The following CDH26 variants were observed in gnomAD, a reference collection of about 807,000 sequenced individuals.
The protein encoded by CDH26 is cadherin 26.
In CDH26, 83 loss-of-function variants were observed where a neutral mutation model predicts 90.3. The ratio of observed to expected loss-of-function variants is 0.92; its 90% CI spans 0.77 to 1.10. The LOEUF (loss-of-function observed/expected upper bound fraction) is 1.10. Among genes scored for constraint, CDH26 ranks in the 50% least tolerant of loss-of-function variants. CDH26 has a pLI of 0.00. For synonymous variants in CDH26, 397 were observed against 396.3 expected, an observed-to-expected ratio of 1.00 and a Z score of -0.02; for missense variants, 1,013 against 1,037.6, an observed-to-expected ratio of 0.98 and a Z score of 0.33.
rs1035800057 is a variant in CDH26 at position 59,958,597 on chromosome 20, C to A, written c.-130C>A. The A allele has an allele frequency of 1.2e-6, 1 of 817,918 alleles. No individual in the cohort carries two copies. The highest frequency in any genetic ancestry group is 2.5e-5 in the East Asian group (1 of 39,954). 50.7% of individuals were successfully genotyped at this position (817,918 alleles called of 1,614,324 possible). A position where few individuals can be genotyped will look rare whatever the true frequency, so the allele number is the denominator to read the frequency against. On this transcript the variant is annotated 5_prime_UTR_variant, in exon 1 of 18. Coordinates refer to ENST00000348616, the MANE Select transcript of CDH26 (RefSeq NM_177980.4). ...GCAAGATGGGATGAAAGCATCTGGG[C>A]CAAAGTGACCTGAAAACCTTTAGAG...
intron 7 of CDH26, among the ~76,000 whole-genome samples, chr20:60,020,885 C>T (rs1346296532): frequency 6.6e-6 from 1 of 152,154 alleles, no homozygotes; most frequent in Non-Finnish European, 1.5e-5. Flanking sequence ...TTTGCAGTGG[C>T]AATAGGGACT....
intron 4 of CDH26, 132 bp from the exon 5 acceptor site, chr20:59,982,791 G>A (rs2061409498): frequency 8.7e-6 from 9 of 1,040,444 alleles, no homozygotes; most frequent in Non-Finnish European, 1.3e-5. Context: ...AGGGCAGTCT[G>A]ATTCCTGCCC....
At chr20:59,997,779 G>A (rs2061618236) in intron 13 of CDH26, among the ~76,000 whole-genome samples, 1 of 152,270 alleles carries the variant, frequency 6.6e-6, no homozygotes, top group Admixed American at 6.5e-5. Flanking sequence ...ATTGAATGAA[G>A]TCAGACATTT....
In CDH26 at chr20:59,987,768, C is replaced by T. The variant is rs142859405; in HGVS notation, c.1023+130C>T. 3.4e-3 allele frequency: 2,301 copies of T among 685,462 alleles called. 6 individuals carry two copies. The highest frequency in any genetic ancestry group is 4.3e-3 in the Non-Finnish European group (1,899 of 445,126). The allele number at this position is 685,462 out of a possible 1,614,324, so 42.5% of individuals were successfully genotyped here. On this transcript the variant is annotated intron_variant, in intron 8 of 17. Coordinates refer to ENST00000348616, the MANE Select transcript of CDH26 (RefSeq NM_177980.4). ...GGTGCTGAGCCCATTACGTACCACA[C>T]GTCACCAGGCAAGGAAGGCAGGGTC...
Position 60,012,581 on chromosome 20 carries a change from T to C in CDH26, c.2350T>C (p.Tyr784His). Residue 784 changes from tyrosine to histidine, a missense_variant, in exon 18 of 18, where the codon TAC (tyrosine) becomes CAC (histidine). By Grantham distance (83) the Tyr-to-His change is moderately conservative. Coordinates refer to ENST00000348616, the MANE Select transcript of CDH26 (RefSeq NM_177980.4). Reference protein sequence around the residue: ...EDDPGYLPHVYSEEGECGGAP... With the variant: ...EDDPGYLPHVHSEEGECGGAP... The stretch of plus-strand genomic sequence containing the variant: ...TGACCCCGGCTACCTACCTCACGTC[T>C]ACAGCGAGGAAGGGGAGTGTGGAGG... The C allele has an allele frequency of 6.2e-7, 1 of 1,614,082 alleles. No homozygotes were observed. Among genetic ancestry groups the C allele is most frequent in the African/African-American group, 1.3e-5 (1 of 75,034 alleles).
chr20:59,997,666 GA>G (rs1188486719), intron 13 of CDH26, among the ~76,000 whole-genome samples: 2 of 152,228 alleles, frequency 1.3e-5, no homozygotes, highest in Admixed American at 6.5e-5. Flanking sequence ...GGTTGATTTA[GA>G]AAATGAACAC....
intron 4 of CDH26, among the ~76,000 whole-genome samples, chr20:59,973,611 A>G (rs1164010903): frequency 6.6e-6 from 1 of 152,002 alleles, no homozygotes; most frequent in African/African-American, 2.4e-5. Context: ...TGTTCTCATC[A>G]TTTAGCTCCT....
Position 60,001,376 on chromosome 20 carries a change from C to T in CDH26, c.2131C>T (p.Gln711Ter), listed in dbSNP as rs1417077659. ...GGAAGTGCCTCCATCTGCAGCGAGT[C>T]AGTCAGCCCAAGCACGCTGTGCTCT... is the stretch of plus-strand genomic sequence containing the variant. ...LEEVPPSAAS[Q>*]SAQARCALGS... The change falls in exon 15 of 18, where the codon CAG becomes TAG. Residue 711 changes from glutamine (Q) to a stop codon, truncating the protein, a stop_gained. Coordinates refer to ENST00000348616, the MANE Select transcript of CDH26 (RefSeq NM_177980.4). LOFTEE classifies it high-confidence loss of function. 1 of 1,613,940 alleles carries T rather than the reference C, an allele frequency of 6.2e-7. No individual in the cohort carries two copies. Among genetic ancestry groups the T allele is most frequent in the African/African-American group, 1.3e-5 (1 of 74,922 alleles).
chr20:60,033,595 C>T (rs1191555417), exon 9 of CDH26: 1 of 1,304,630 alleles, frequency 7.7e-7, no homozygotes, highest in East Asian at 5.5e-5. Context: ...CCCCATCACC[C>T]CTTAACAAAA....
At chr20:59,987,203 T>G (rs1226373027) in intron 7 of CDH26, among the ~76,000 whole-genome samples, 2 of 152,138 alleles carry the variant, frequency 1.3e-5, no homozygotes, top group Admixed American at 1.3e-4. Context: ...TAAGAATTAT[T>G]TAGCGAGTCA....
At position 60,031,371 on chromosome 20, in the gene CDH26, C is replaced by T. The variant is rs149508748; in HGVS notation, c.1089C>T (p.His363=). The T allele has an allele frequency of 1.5e-5, 19 of 1,267,404 alleles. No individual in the cohort carries two copies. In the African/African-American group the frequency reaches 1.6e-4, roughly 10 times the overall value. 78.5% of individuals were successfully genotyped at this position (1,267,404 alleles called of 1,614,324 possible). Residue 363 remains histidine, a synonymous_variant, in exon 8 of 9, where the codon CAC becomes CAT. Transcript: ENST00000370991. ...TAACGCAGACTGGTAAACGGAAACA[C>T]GGGGCTTTGGCTCGAACACCCTCTT...
At chr20:59,989,301 G>T (rs2061498207) in intron 9 of CDH26, 138 bp downstream of exon 9, 1 of 1,079,238 alleles carries the variant, frequency 9.3e-7, no homozygotes, top group East Asian at 2.4e-5. Context: ...GGCCGAGGCG[G>T]GTGGATCATG....
Position 59,983,053 on chromosome 20 carries a change from A to G in CDH26, c.524A>G (p.Gln175Arg). ...FPEKEFNITV[Q>R]ENQSAGQPIF... is the part of the protein sequence containing the mutation. ...GAGAAGGAATTTAACATCACTGTGC[A>G]AGAAAACCAATCTGCAGGTGTGTGC... Residue 175 changes from glutamine (Q) to arginine (R), a missense_variant, in exon 5 of 18, where the codon CAA becomes CGA. Physicochemically the swap from Gln to Arg is conservative, Grantham distance 43 (BLOSUM62 1). Transcript: ENST00000348616. 6.2e-7 allele frequency: 1 copy of G among 1,614,054 alleles called. No homozygotes were observed. The highest frequency in any genetic ancestry group is 1.3e-5 in the African/African-American group (1 of 75,026).
intron 17 of CDH26, among the ~76,000 whole-genome samples, chr20:60,011,837 G>C (rs1472904784): frequency 6.6e-6 from 1 of 152,170 alleles, no homozygotes; most frequent in African/African-American, 2.4e-5. Flanking sequence ...GGTCTCTGTG[G>C]ATGTCCTTGT....
At chr20:59,961,157 G>A (rs1279443100) in intron 1 of CDH26, among the ~76,000 whole-genome samples, 3 of 152,178 alleles carry the variant, frequency 2.0e-5, no homozygotes, top group African/African-American at 4.8e-5. Context: ...ATATAGTCCA[G>A]ATCAAATCCT....
At chr20:60,027,868 A>G (rs186251966) in intron 7 of CDH26, among the ~76,000 whole-genome samples, 1 of 152,346 alleles carries the variant, frequency 6.6e-6, no homozygotes, top group African/African-American at 2.4e-5. Context: ...ACCTTTTAAA[A>G]TTGAAATTTT....
chr20:59,988,531 C>A (rs2061485880), intron 8 of CDH26, among the ~76,000 whole-genome samples: 1 of 152,168 alleles, frequency 6.6e-6, no homozygotes, highest in South Asian at 2.1e-4. Flanking sequence ...AGTCAACTGA[C>A]CACTTTGTAC....
chr20:59,994,102 C>T lies in CDH26; in HGVS notation c.1427-148C>T, dbSNP rs867023924. The T allele has an allele frequency of 1.2e-4, 120 of 989,132 alleles. 1 individual carries two copies. In the South Asian group the frequency reaches 1.9e-3, roughly 16 times the overall value. 61.3% of individuals were successfully genotyped at this position (989,132 alleles called of 1,614,324 possible). A position where few individuals can be genotyped will look rare whatever the true frequency, so the allele number is the denominator to read the frequency against. Reference sequence around the variant, plus strand: ...CTCATAAAAGCAGGAAAACAGATCACGTGCATGCCAGGAGAGCTTATGACG... The same window carrying T: ...CTCATAAAAGCAGGAAAACAGATCATGTGCATGCCAGGAGAGCTTATGACG... On this transcript the variant is annotated intron_variant, in intron 10 of 17. Coordinates refer to ENST00000348616, the MANE Select transcript of CDH26 (RefSeq NM_177980.4).
In CDH26 at chr20:59,969,010, C is replaced by G. The variant is rs1416555628; in HGVS notation, c.113C>G (p.Thr38Ser). 1 of 1,592,296 alleles carries G rather than the reference C, an allele frequency of 6.3e-7. No homozygotes were observed. The highest frequency in any genetic ancestry group is 2.2e-5 in the East Asian group (1 of 44,732). The change falls in exon 2 of 18, where the codon ACT (threonine) becomes AGT (serine). Residue 38 changes from threonine to serine, a missense_variant. Physicochemically the swap from Thr to Ser is moderately conservative, Grantham distance 58 (BLOSUM62 1). Coordinates refer to ENST00000348616, the MANE Select transcript of CDH26 (RefSeq NM_177980.4). ...GTTCAACAGGAAACAGATGATCTTA[C>G]TAAGCAAACAAAGGTGAGGTTTGGA... Reference protein sequence around the residue: ...DSVQQETDDLTKQTKEKIYQP... With the variant: ...DSVQQETDDLSKQTKEKIYQP...
Sources: allele counts gnomAD v4.1 joint callset (sites outside exome capture counted in the v4.1 genomes callset), GRCh38; gene constraint gnomAD v4.1.1; transcripts MANE v1.5; gene names NCBI Gene and HGNC (gene_info 2026-07-23, HGNC 2026-07-21).